EYS: variants seen among roughly 807,000 people sequenced by gnomAD.
EYS encodes the protein protein eyes shut homolog.
A neutral mutation model predicts 282.1 loss-of-function variants in EYS; 250 were observed. The observed-to-expected ratio is 0.89, with a 90% CI of 0.80 to 0.98. EYS has a LOEUF of 0.98. Ranked by LOEUF, EYS falls within the 50% of genes least tolerant of loss-of-function variation. EYS has a pLI of 0.00. For synonymous variants in EYS, 1,355 were observed against 1,282.9 expected (o/e 1.06, Z -1.20); for missense variants, 4,016 against 3,709.0 (o/e 1.08, Z -2.15).
intron 29 of EYS, among the ~76,000 whole-genome samples, chr6:64,358,026 G>T (rs1771885665): frequency 6.6e-6 from 1 of 151,672 alleles, no homozygotes; most frequent in African/African-American, 2.4e-5. Flanking sequence ...TCTGATGGGA[G>T]CCATGTCTTT....
At chr6:65,393,412 A>T (rs1766136928) in intron 7 of EYS, among the ~76,000 whole-genome samples, 1 of 152,224 alleles carries the variant, frequency 6.6e-6, no homozygotes, top group South Asian at 2.1e-4. Context: ...ACTCCAAAAG[A>T]TTAAGCTTTC....
intron 5 of EYS, among the ~76,000 whole-genome samples, chr6:65,486,446 C>T (rs1350967973): frequency 2.0e-5 from 3 of 152,056 alleles, no homozygotes; most frequent in Non-Finnish European, 2.9e-5. Flanking sequence ...AAATCAGTTT[C>T]AAAAATTTGA....
intron 18 of EYS, among the ~76,000 whole-genome samples, chr6:64,893,964 C>T (rs1044918925): frequency 2.0e-5 from 3 of 151,990 alleles, no homozygotes; most frequent in Admixed American, 1.3e-4. Flanking sequence ...CCATTCCTCT[C>T]TACCAGGAGA....
At chr6:64,920,076 T>A (rs1436601369) in intron 15 of EYS, among the ~76,000 whole-genome samples, 3 of 144,856 alleles carry the variant, frequency 2.1e-5, no homozygotes, top group Non-Finnish European at 4.6e-5. Context: ...ATTAGTTTCA[T>A]TTTTTTTTTT....
chr6:63,830,160 C>T (rs937112243), intron 36 of EYS, among the ~76,000 whole-genome samples: 1 of 152,194 alleles, frequency 6.6e-6, no homozygotes, highest in Non-Finnish European at 1.5e-5. Flanking sequence ...AGTGTCTCTT[C>T]TCCTCCAAAG....
intron 31 of EYS, among the ~76,000 whole-genome samples, chr6:64,208,664 A>G (rs1198341455): frequency 6.6e-6 from 1 of 152,164 alleles, no homozygotes; most frequent in Non-Finnish European, 1.5e-5. Context: ...GGTGTGTGAT[A>G]GTATTTTGGG....
chr6:65,109,819 A>G (rs951118863), intron 12 of EYS, among the ~76,000 whole-genome samples: 2 of 151,976 alleles, frequency 1.3e-5, no homozygotes, highest in Non-Finnish European at 2.9e-5. Flanking sequence ...GAACCTGCCT[A>G]CTTCTATTCA....
intron 5 of EYS, among the ~76,000 whole-genome samples, chr6:65,454,603 C>A (rs1410940937): frequency 1.3e-5 from 2 of 150,706 alleles, no homozygotes; most frequent in Admixed American, 1.3e-4. Flanking sequence ...AGTTGTAAAG[C>A]ATTTCTCCTG....
chr6:63,928,389 A>G (rs1764783024), intron 35 of EYS, among the ~76,000 whole-genome samples: 1 of 152,202 alleles, frequency 6.6e-6, no homozygotes, highest in Non-Finnish European at 1.5e-5. Flanking sequence ...ATATTTTTGT[A>G]TGTTTTATTC....
At chr6:65,524,804 G>T (rs1767495382) in intron 2 of EYS, among the ~76,000 whole-genome samples, 1 of 152,224 alleles carries the variant, frequency 6.6e-6, no homozygotes, top group South Asian at 2.1e-4. Context: ...CACATCCAAA[G>T]TATCTAATAT....
rs532628252 is a variant in EYS, at chr6:64,607,229, T to TA, written c.3684+10188dup. On this transcript the variant is annotated intron_variant, in intron 24 of 42. Coordinates refer to ENST00000503581, the MANE Select transcript of EYS (RefSeq NM_001142800.2). The stretch of plus-strand genomic sequence containing the variant: ...TATTTCTAGAATAAGCTAGCAGGTG[T>TA]AAAATGCACAGTTCCATTTGTTATC... 2.0e-4 allele frequency among the ~76,000 whole-genome samples: 30 copies of TA among 151,856 alleles called. No individual in the cohort carries two copies. The South Asian group carries it at 2.3e-3, about 12-fold the overall frequency.
Position 64,945,858 on chromosome 6 carries a change from G to A in EYS, c.2316C>T (p.Ser772=), listed in dbSNP as rs914387501. The change falls in exon 15 of 43, where the codon TCC becomes TCT. Residue 772 remains serine, a synonymous_variant. Coordinates refer to ENST00000503581, the MANE Select transcript of EYS (RefSeq NM_001142800.2). ...DWEGNFCEQE[S]NECKMNPCKN... ...TGCAAGGATTCATTTTACACTCATT[G>A]GATTCTTGTTCACAAAAATTTCCTT... 3.9e-5 allele frequency: 60 copies of A among 1,548,960 alleles called. No homozygotes were observed. In the Middle Eastern group the frequency reaches 6.7e-4, roughly 17 times the overall value.
intron 13 of EYS, among the ~76,000 whole-genome samples, chr6:65,044,229 C>T (rs1416388926): frequency 1.3e-5 from 2 of 151,634 alleles, no homozygotes; most frequent in Admixed American, 6.6e-5. Flanking sequence ...TATTTTTCAA[C>T]CAGGTTGTGT....
intron 15 of EYS, among the ~76,000 whole-genome samples, chr6:64,927,426 T>C (rs952422829): frequency 2.6e-5 from 4 of 152,148 alleles, no homozygotes; most frequent in African/African-American, 9.7e-5. Context: ...AATACACTAA[T>C]AAAAGTTATT....
chr6:64,895,728 C>T (rs543766654), intron 18 of EYS, among the ~76,000 whole-genome samples: 8 of 152,044 alleles, frequency 5.3e-5, no homozygotes, highest in African/African-American at 1.9e-4. Flanking sequence ...GCAGACATGG[C>T]TTATTTATAT....
chr6:64,223,896 T>C (rs1766176519), intron 31 of EYS, among the ~76,000 whole-genome samples: 1 of 152,070 alleles, frequency 6.6e-6, no homozygotes, highest in Admixed American at 6.6e-5. Flanking sequence ...GTTTAGCTAG[T>C]TGATCATTCA....
At chr6:64,925,264 G>A (rs1187181030) in intron 15 of EYS, among the ~76,000 whole-genome samples, 3 of 152,132 alleles carry the variant, frequency 2.0e-5, no homozygotes, top group Non-Finnish European at 4.4e-5. Flanking sequence ...AATAGTGCGG[G>A]AAAGACCAGA....
intron 31 of EYS, among the ~76,000 whole-genome samples, chr6:64,185,221 C>G (rs558989541): frequency 6.6e-6 from 1 of 151,994 alleles, no homozygotes; most frequent in Non-Finnish European, 1.5e-5. Context: ...ACTAAAACAA[C>G]CACATATTTT....
intron 14 of EYS, among the ~76,000 whole-genome samples, chr6:64,979,543 G>C (rs1191923419): frequency 6.6e-6 from 1 of 151,550 alleles, no homozygotes; most frequent in Non-Finnish European, 1.5e-5. Flanking sequence ...TTTTTGAGCA[G>C]AGCAGGACCT....
Sources: gnomAD v4.1 joint callset for allele counts (sites outside exome capture counted in the v4.1 genomes callset) on GRCh38, gnomAD v4.1.1 for gene constraint, MANE v1.5 for transcripts, NCBI Gene and HGNC (gene_info 2026-07-23, HGNC 2026-07-21) for gene names.